FBH1: variants seen among roughly 807,000 people sequenced by gnomAD.
FBH1 encodes F-box DNA helicase 1.
Under a neutral mutation model 115.5 loss-of-function variants are expected in FBH1, and 43 were observed. The ratio of observed to expected loss-of-function variants is 0.37; its 90% confidence interval spans 0.29 to 0.48. FBH1 has a LOEUF of 0.48. Among genes scored for constraint, FBH1 ranks in the 20% least tolerant of loss-of-function variants. FBH1 has a pLI of 0.99. For synonymous variants in FBH1, 524 were observed against 507.8 expected (o/e 1.03, Z -0.43); for missense variants, 1,001 against 1,337.3 (o/e 0.75, Z 3.92).
In FBH1 at chr10:5,914,337, G is replaced by A. The variant is rs528528984; in HGVS notation, c.1396+68G>A. ...CCTTTTCTCCCTACATCCCCTTCCC[G>A]CTACCTGCCAGGGCATCTTTGCTCT... is the stretch of plus-strand genomic sequence containing the variant. On this transcript the variant is annotated intron_variant, in intron 8 of 20. Transcript: ENST00000362091. The surrounding 1 kb of genome is among the most constrained non-coding windows in gnomAD (Gnocchi z 5.2). 1.8e-5 allele frequency: 24 copies of A among 1,299,650 alleles called. No individual in the cohort carries two copies. Among genetic ancestry groups the A allele is most frequent in the South Asian group, 8.3e-5 (7 of 84,262 alleles). 80.5% of individuals were successfully genotyped at this position (1,299,650 alleles called of 1,614,324 possible).
rs1214279623 is a variant in FBH1, at chr10:5,909,533, G to C, written c.1020+239G>C. On this transcript the variant is annotated intron_variant, in intron 5 of 20. Coordinates refer to ENST00000362091, the MANE Select transcript of FBH1 (RefSeq NM_178150.3). The surrounding 1 kb of genome is among the most constrained non-coding windows in gnomAD (Gnocchi z 4.4). ...AATCATTTAGTCTGATTTCCCATTTGGTTGAGGAATCTTCTCTGAAATATT... is the reference window on the plus strand; with the variant it reads ...AATCATTTAGTCTGATTTCCCATTTCGTTGAGGAATCTTCTCTGAAATATT... The C allele has an allele frequency of 2.2e-6, 1 of 460,392 alleles. No individual in the cohort carries two copies. The highest frequency in any genetic ancestry group is 2.0e-5 in the African/African-American group (1 of 50,324). The allele number at this position is 460,392 out of a possible 1,614,324, so 28.5% of individuals were successfully genotyped here. A position where few individuals can be genotyped will look rare whatever the true frequency, so the allele number is the denominator to read the frequency against.
chr10:5,917,602 T>C lies in FBH1; in HGVS notation c.1889T>C (p.Leu630Pro). The change falls in exon 12 of 21, where the codon CTC (leucine) becomes CCC (proline). Residue 630 changes from leucine (L) to proline (P), a missense_variant. Leu to Pro is a moderately conservative substitution (Grantham distance 98). Around this residue, in one of 4 missense-constraint regions of FBH1, gnomAD observed 521 missense variants for 811.0 expected, o/e 0.64. Transcript: ENST00000362091. The surrounding 1 kb of genome is among the most constrained non-coding windows in gnomAD (Gnocchi z 5.6). ...HQMTHDGYLKLWQLSKPSLAS... is the reference protein window; with the variant it reads ...HQMTHDGYLKPWQLSKPSLAS... The stretch of plus-strand genomic sequence containing the variant: ...CTCCTTATTTTAGGCTACTTGAAAC[T>C]CTGGCAGCTGAGCAAGCCTTCGCTG... The C allele has an allele frequency of 6.2e-7, 1 of 1,614,170 alleles. No individual in the cohort carries two copies. Among genetic ancestry groups the C allele is most frequent in the Non-Finnish European group, 8.5e-7 (1 of 1,180,020 alleles).
chr10:5,913,795 C>T lies in FBH1; in HGVS notation c.1260C>T (p.Cys420=). 6.3e-7 allele frequency: 1 copy of T among 1,593,596 alleles called. No homozygotes were observed. The highest frequency in any genetic ancestry group is 8.5e-7 in the Non-Finnish European group (1 of 1,175,046). Residue 420 remains cysteine (C), a synonymous_variant, in exon 7 of 21, where the codon TGC becomes TGT. Transcript: ENST00000362091. The surrounding 1 kb of genome is among the most constrained non-coding windows in gnomAD (Gnocchi z 4.4). ...FYCLYLQENS[C]TQATKVKEEP... ...GCCTATATCTTCAGGAGAATTCCTGCACTCAGGCCACAAAAGTTAAAGAGG... is the reference window on the plus strand; with the variant it reads ...GCCTATATCTTCAGGAGAATTCCTGTACTCAGGCCACAAAAGTTAAAGAGG...
At position 5,897,082 on chromosome 10, in the gene FBH1, T is replaced by C. The variant is rs1224894690; in HGVS notation, c.2-5938T>C. ...TAATGCTATTAAAACTGATGTGCCT[T>C]AGGAGACCCTCAGATTGGTGTGGTA... On this transcript the variant is annotated intron_variant, in intron 1 of 20. Transcript: ENST00000362091. This position sits in a 1 kb window ranked among gnomAD's most constrained non-coding sequence, Gnocchi z 4.7. Among the ~76,000 whole-genome samples, 1 of 152,204 alleles carries C rather than the reference T, an allele frequency of 6.6e-6. No homozygotes were observed. The highest frequency in any genetic ancestry group is 1.5e-5 in the Non-Finnish European group (1 of 68,034).
At chr10:5,930,712 A>AC (rs1331661552) in intron 19 of FBH1, among the ~76,000 whole-genome samples, 3 of 152,276 alleles carry the variant, frequency 2.0e-5, no homozygotes, top group Non-Finnish European at 2.9e-5. Context: ...AGAAAAAAAA[A>AC]CAGTGGTTCA....
At chr10:5,908,893 C>T in intron 3 of FBH1, 32 bp from the exon 4 acceptor site, 1 of 1,611,746 alleles carries the variant, frequency 6.2e-7, no homozygotes, top group Non-Finnish European at 8.5e-7. Flanking sequence ...CCCTTTGCCT[C>T]ATGTTATTTT....
chr10:5,894,344 A>T (rs566977856), intron 1 of FBH1: 170 of 1,553,858 alleles, frequency 1.1e-4, no homozygotes, highest in Non-Finnish European at 1.4e-4. Flanking sequence ...CAATGATTTT[A>T]AAAAAATGTA....
At position 5,911,893 on chromosome 10, in the gene FBH1, A is replaced by C. The variant is rs115538333; in HGVS notation, c.1211+765A>C. Among the ~76,000 whole-genome samples, 1 of 152,136 alleles carries C rather than the reference A, an allele frequency of 6.6e-6. No homozygotes were observed. The highest frequency in any genetic ancestry group is 2.4e-5 in the African/African-American group (1 of 41,406). ...AGTGTGGAGGAGGAACCGCCGTTTCACAACTGTGGGGAGAGCAGTTCAGAG... is the reference window on the plus strand; with the variant it reads ...AGTGTGGAGGAGGAACCGCCGTTTCCCAACTGTGGGGAGAGCAGTTCAGAG... On this transcript the variant is annotated intron_variant, in intron 6 of 20. Transcript: ENST00000362091. This position sits in a 1 kb window ranked among gnomAD's most constrained non-coding sequence, Gnocchi z 5.4.
chr10:5,934,139 T>TA (rs1833157014), intron 19 of FBH1: 1 of 152,158 alleles, frequency 6.6e-6, no homozygotes, highest in African/African-American at 2.4e-5. Flanking sequence ...GTTTTGGAGA[T>TA]AAAAAGCGAG....
At position 5,914,530 on chromosome 10, in the gene FBH1, G is replaced by C. The variant is rs1445749624; in HGVS notation, c.1396+261G>C. Among the ~76,000 whole-genome samples, 1 of 152,230 alleles carries C rather than the reference G, an allele frequency of 6.6e-6. No individual in the cohort carries two copies. Among genetic ancestry groups the C allele is most frequent in the Non-Finnish European group, 1.5e-5 (1 of 68,036 alleles). On this transcript the variant is annotated intron_variant, in intron 8 of 20. Coordinates refer to ENST00000362091, the MANE Select transcript of FBH1 (RefSeq NM_178150.3). The surrounding 1 kb of genome is among the most constrained non-coding windows in gnomAD (Gnocchi z 5.2). ...TGGTCGGGCAGATGCCCCCGGGATT[G>C]AGCCCAGCATTGTGATGTTTGCTCA...
At position 5,915,676 on chromosome 10, in the gene FBH1, A is replaced by T; in HGVS notation, c.1565+105A>T. 1 of 1,037,156 alleles carries T rather than the reference A, an allele frequency of 9.6e-7. No individual in the cohort carries two copies. Among genetic ancestry groups the T allele is most frequent in the Non-Finnish European group, 1.4e-6 (1 of 701,614 alleles). The allele number at this position is 1,037,156 out of a possible 1,614,324, so 64.2% of individuals were successfully genotyped here. The stretch of plus-strand genomic sequence containing the variant: ...AGCTTACACCACAGTGACCCCGAGG[A>T]GTGTAGTGCTGTTATCTCCACTTAC... On this transcript the variant is annotated intron_variant, in intron 9 of 20. Coordinates refer to ENST00000362091, the MANE Select transcript of FBH1 (RefSeq NM_178150.3). This position sits in a 1 kb window ranked among gnomAD's most constrained non-coding sequence, Gnocchi z 5.2.
chr10:5,921,198 G>A lies in FBH1; in HGVS notation c.2101-60G>A. 2 of 1,526,118 alleles carry A rather than the reference G, an allele frequency of 1.3e-6. No individual in the cohort carries two copies. Among genetic ancestry groups the A allele is most frequent in the Non-Finnish European group, 1.8e-6 (2 of 1,105,012 alleles). The allele number at this position is 1,526,118 out of a possible 1,614,324, so 94.5% of individuals were successfully genotyped here. A position where few individuals can be genotyped will look rare whatever the true frequency, so the allele number is the denominator to read the frequency against. On this transcript the variant is annotated intron_variant, in intron 13 of 20. Transcript: ENST00000362091. The surrounding 1 kb of genome is among the most constrained non-coding windows in gnomAD (Gnocchi z 6.4). The stretch of plus-strand genomic sequence containing the variant: ...CCGGCCAGGCTGTGGCAGCAGTGAT[G>A]GAAATGCACGGACACACCACAGGGC...
chr10:5,919,577 T>G (rs1832192334), intron 13 of FBH1, among the ~76,000 whole-genome samples: 1 of 152,192 alleles, frequency 6.6e-6, no homozygotes, highest in Non-Finnish European at 1.5e-5. Flanking sequence ...AAATAAAAGC[T>G]CTTTGGAGGC....
chr10:5,926,892 G>A (rs1433340824), intron 18 of FBH1, among the ~76,000 whole-genome samples: 3 of 152,224 alleles, frequency 2.0e-5, no homozygotes, highest in Non-Finnish European at 4.4e-5. Flanking sequence ...AGGTGCGGTT[G>A]AACAGCACAG....
At chr10:5,891,977 C>A (rs1453434423) in intron 1 of FBH1, among the ~76,000 whole-genome samples, 1 of 152,212 alleles carries the variant, frequency 6.6e-6, no homozygotes, top group African/African-American at 2.4e-5. Context: ...GATTCTGCCT[C>A]TTGTGTCTTC....
At chr10:5,929,484 T>G (rs1324643836) in intron 19 of FBH1, 1 of 152,232 alleles carries the variant, frequency 6.6e-6, no homozygotes, top group Admixed American at 6.5e-5. Flanking sequence ...TGCAACAGCT[T>G]AAGCGTCAGA....
At chr10:5,934,928 C>G (rs1447151393) in intron 19 of FBH1, 2 of 152,224 alleles carry the variant, frequency 1.3e-5, no homozygotes, top group Non-Finnish European at 2.9e-5. Context: ...GTGATCCTCC[C>G]ACTTCAGTCT....
Position 5,918,442 on chromosome 10 carries a change from C to A in FBH1, c.2064C>A (p.Phe688Leu), listed in dbSNP as rs1016529252. 8 of 1,609,256 alleles carry A rather than the reference C, an allele frequency of 5.0e-6. No individual in the cohort carries two copies. The highest frequency in any genetic ancestry group is 5.1e-6 in the Non-Finnish European group (6 of 1,178,680). The change falls in exon 13 of 21, where the codon TTC (phenylalanine) becomes TTA (leucine). Residue 688 changes from phenylalanine to leucine, a missense_variant. By Grantham distance (22) the Phe-to-Leu change is conservative. This residue lies in a region of FBH1 where 521 missense variants were observed against 811.0 expected (regional missense o/e 0.64). Transcript: ENST00000362091. The surrounding 1 kb of genome is among the most constrained non-coding windows in gnomAD (Gnocchi z 4.0). The part of the protein sequence containing the change: ...YTFRGAVNAL[F>L]TVPHTHVFYL... ...TCCGGGGTGCGGTCAACGCCCTGTTCACAGTGCCCCACACCCACGTCTTCT... is the reference window on the plus strand; with the variant it reads ...TCCGGGGTGCGGTCAACGCCCTGTTAACAGTGCCCCACACCCACGTCTTCT...
rs2132029253 is a variant in FBH1, at chr10:5,918,797, A to G, written c.2100+319A>G. 6.6e-6 allele frequency among the ~76,000 whole-genome samples: 1 copy of G among 152,362 alleles called. No individual in the cohort carries two copies. The highest frequency in any genetic ancestry group is 2.1e-4 in the South Asian group (1 of 4,826). ...ACTTGTGTATTTGGCACTTTTTCAA[A>G]GACAAGTGAAACAAGCTGCGACTTC... On this transcript the variant is annotated intron_variant, in intron 13 of 20. Transcript: ENST00000362091. The surrounding 1 kb of genome is among the most constrained non-coding windows in gnomAD (Gnocchi z 4.0).
Sources: allele counts gnomAD v4.1 joint callset (sites outside exome capture counted in the v4.1 genomes callset), GRCh38; gene constraint gnomAD v4.1.1; regional missense constraint gnomAD v4.1.1; non-coding constraint Gnocchi (gnomAD v3.1); transcripts MANE v1.5; gene names NCBI Gene and HGNC (gene_info 2026-07-23, HGNC 2026-07-21).